TVP23B: variants seen among roughly 807,000 people sequenced by gnomAD.
The protein encoded by TVP23B is Golgi apparatus membrane protein TVP23 homolog B.
Under a neutral mutation model 30.6 loss-of-function variants are expected in TVP23B, and 10 were observed. That is an observed-to-expected ratio of 0.33 (90% CI 0.20 to 0.55). The LOEUF is 0.55. Among genes scored for constraint, TVP23B ranks in the 20% least tolerant of loss-of-function variants. The probability of loss-of-function intolerance (pLI) is 0.91; values close to 1 mark genes in which losing one functional copy is unlikely to be tolerated. For missense variants in TVP23B, 153 were observed against 243.2 expected (o/e 0.63, Z 2.47); for synonymous variants, 67 against 83.1 (o/e 0.81, Z 1.06).
chr17:18,791,187 G>GTTTTTATTTTTT (rs2035987613), intron 3 of TVP23B, 147 bp downstream of exon 3: 1 of 109,174 alleles, frequency 9.2e-6, no homozygotes. Flanking sequence ...ATTGCATGTA[G>GTTTTTATTTTTT]TTTTTTTTTT....
intron 2 of TVP23B, among the ~76,000 whole-genome samples, chr17:18,790,308 C>T (rs1354109053): frequency 4.6e-5 from 7 of 151,438 alleles, no homozygotes; most frequent in African/African-American, 1.5e-4. Context: ...ACTAAAAATA[C>T]AAAAAATTAG....
At chr17:18,792,190 C>A (rs1190955795) in intron 3 of TVP23B, among the ~76,000 whole-genome samples, 3 of 151,918 alleles carry the variant, frequency 2.0e-5, no homozygotes, top group South Asian at 2.1e-4. Flanking sequence ...TGCACCACCA[C>A]GCCTGGCTAA....
intron 3 of TVP23B, among the ~76,000 whole-genome samples, chr17:18,793,105 G>A (rs920409366): frequency 2.0e-5 from 3 of 152,092 alleles, no homozygotes; most frequent in Non-Finnish European, 4.4e-5. Flanking sequence ...CTCCTGGGCC[G>A]CATTCAAAGC....
At position 18,804,193 on chromosome 17, in the gene TVP23B, G is replaced by A. The variant is rs757309038; in HGVS notation, c.518G>A (p.Arg173Lys). The A allele has an allele frequency of 5.6e-6, 9 of 1,613,158 alleles. 1 individual carries two copies. The highest frequency in any genetic ancestry group is 4.4e-5 in the South Asian group (4 of 90,954). Residue 173 changes from arginine to lysine, a missense_variant, in exon 6 of 7, where the codon AGG becomes AAG. Arg to Lys is a conservative substitution (Grantham distance 26). This residue lies in a region of TVP23B where 62 missense variants were observed against 74.3 expected (regional missense o/e 0.83). Transcript: ENST00000307767. ...LQGANLYGYI[R>K]CKVRSRKHLT... is the part of the protein sequence containing the mutation. ...GGTGCCAACCTGTATGGTTACATCA[G>A]GTGTAAGGTGCGCAGCAGAAAGCAT...
At chr17:18,784,238 A>G (rs2035865333) in intron 1 of TVP23B, among the ~76,000 whole-genome samples, 1 of 152,184 alleles carries the variant, frequency 6.6e-6, no homozygotes, top group Admixed American at 6.5e-5. Flanking sequence ...TGTATCATAT[A>G]TGCTTGTCTT....
At chr17:18,798,992 G>A in intron 5 of TVP23B, 49 bp downstream of exon 5, 1 of 1,573,348 alleles carries the variant, frequency 6.4e-7, no homozygotes, top group South Asian at 1.2e-5. Flanking sequence ...ATGTCTGATG[G>A]TAATCATAGG....
intron 1 of TVP23B, among the ~76,000 whole-genome samples, chr17:18,783,405 C>T (rs1018385579): frequency 1.6e-4 from 24 of 152,216 alleles, no homozygotes; most frequent in African/African-American, 4.8e-4. Context: ...CAGGCCCGGC[C>T]GACGGTTCCC....
At chr17:18,794,869 C>T (rs992425655) in intron 3 of TVP23B, among the ~76,000 whole-genome samples, 4 of 151,498 alleles carry the variant, frequency 2.6e-5, no homozygotes, top group South Asian at 2.1e-4. Flanking sequence ...TAAGGAGTGC[C>T]GTTTATGCTT....
At chr17:18,793,048 T>C (rs1234436193) in intron 3 of TVP23B, among the ~76,000 whole-genome samples, 10 of 148,456 alleles carry the variant, frequency 6.7e-5, no homozygotes, top group African/African-American at 2.0e-4. Flanking sequence ...AAAAAAAAAA[T>C]CGCACACAAA....
intron 3 of TVP23B, among the ~76,000 whole-genome samples, chr17:18,793,049 C>G (rs201560058): frequency 1.3e-5 from 2 of 149,156 alleles, no homozygotes; most frequent in Non-Finnish European, 3.0e-5. Context: ...AAAAAAAAAT[C>G]GCACACAAAA....
At chr17:18,804,412 G>C in intron 6 of TVP23B, 146 bp downstream of exon 6, 3 of 1,361,198 alleles carry the variant, frequency 2.2e-6, no homozygotes, top group South Asian at 1.6e-5. Context: ...TTGCTCTTTG[G>C]GGGTGTTCAA....
In TVP23B at chr17:18,781,208, G is replaced by C. The variant is rs561351123; in HGVS notation, c.-86G>C. 3.2e-6 allele frequency: 5 copies of C among 1,540,680 alleles called. No homozygotes were observed. The East Asian group carries it at 1.2e-4, about 38-fold the overall frequency. On this transcript the variant is annotated 5_prime_UTR_variant, in exon 1 of 7. Transcript: ENST00000307767. ...CTTACAGTGGTCCCTGCTGGCCCTT[G>C]GTGACGGGTCGCCTCAGTTCCGACC... is the stretch of plus-strand genomic sequence containing the variant.
intron 1 of TVP23B, among the ~76,000 whole-genome samples, chr17:18,783,795 C>A (rs1039761725): frequency 1.3e-5 from 2 of 152,150 alleles, no homozygotes; most frequent in Non-Finnish European, 2.9e-5. Flanking sequence ...TTTTTTAATC[C>A]TTTTAAACGT....
At chr17:18,793,700 C>T (rs1421241955) in intron 3 of TVP23B, among the ~76,000 whole-genome samples, 1 of 150,874 alleles carries the variant, frequency 6.6e-6, no homozygotes, top group African/African-American at 2.4e-5. Context: ...GTTCATAGAG[C>T]AAAAGAAGGA....
rs1035368938 is a variant in TVP23B, at chr17:18,805,832, A to C, written c.*265A>C. ...AGGTATGCACATTCCATAGGTATGCACACGGCCATGTAATATCAGTATATC... is the reference window on the plus strand; with the variant it reads ...AGGTATGCACATTCCATAGGTATGCCCACGGCCATGTAATATCAGTATATC... On this transcript the variant is annotated 3_prime_UTR_variant, in exon 7 of 7. Transcript: ENST00000307767. 3.1e-6 allele frequency: 4 copies of C among 1,279,554 alleles called. No homozygotes were observed. The highest frequency in any genetic ancestry group is 4.0e-6 in the Non-Finnish European group (4 of 1,010,882). The allele number at this position is 1,279,554 out of a possible 1,614,324, so 79.3% of individuals were successfully genotyped here.
chr17:18,792,909 T>TA (rs1567634177), intron 3 of TVP23B, among the ~76,000 whole-genome samples: 1 of 152,200 alleles, frequency 6.6e-6, no homozygotes, highest in African/African-American at 2.4e-5. Context: ...ATGTACTTAC[T>TA]AAAAAAACAA....
At chr17:18,803,075 C>T (rs1476149954) in intron 5 of TVP23B, among the ~76,000 whole-genome samples, 2 of 152,050 alleles carry the variant, frequency 1.3e-5, no homozygotes, top group African/African-American at 4.8e-5. Context: ...ACATTAAAAT[C>T]AGCTATACAT....
chr17:18,782,709 C>A (rs2151841422), intron 1 of TVP23B, among the ~76,000 whole-genome samples: 1 of 152,136 alleles, frequency 6.6e-6, no homozygotes, highest in East Asian at 1.9e-4. Flanking sequence ...CCTTTTAGAT[C>A]ATAGAGAGTA....
At chr17:18,796,004 G>A (rs1248265245) in intron 3 of TVP23B, 3 of 149,486 alleles carry the variant, frequency 2.0e-5, no homozygotes, top group African/African-American at 7.4e-5. Flanking sequence ...GCAGATAAGG[G>A]AGGACTACTA....
Sources: allele counts gnomAD v4.1 joint callset (sites outside exome capture counted in the v4.1 genomes callset), GRCh38; gene constraint gnomAD v4.1.1; regional missense constraint gnomAD v4.1.1; transcripts MANE v1.5; gene names NCBI Gene and HGNC (gene_info 2026-07-23, HGNC 2026-07-21).